ADAMTSL1: variants seen among roughly 807,000 people sequenced by gnomAD.
ADAMTSL1 encodes the protein ADAMTS like 1, also known as ADAMTS-like protein 1.
In ADAMTSL1, 126 loss-of-function variants were observed where a neutral mutation model predicts 201.8. That is an observed-to-expected ratio of 0.62 (90% confidence interval 0.54 to 0.72). ADAMTSL1 has a LOEUF of 0.72. Among genes scored for constraint, ADAMTSL1 ranks in the 30% least tolerant of loss-of-function variants. The probability of loss-of-function intolerance (pLI) is 0.00; values close to 1 mark genes in which losing one functional copy is unlikely to be tolerated. For missense variants in ADAMTSL1, 2,679 were observed against 2,277.8 expected, an observed-to-expected ratio of 1.18 and a Z score of -3.59; for synonymous variants, 1,121 against 903.4, an observed-to-expected ratio of 1.24 and a Z score of -4.32.
intron 2 of ADAMTSL1, among the ~76,000 whole-genome samples, chr9:18,440,049 G>C (rs1819928867): frequency 6.6e-6 from 1 of 152,176 alleles, no homozygotes; most frequent in African/African-American, 2.4e-5. Flanking sequence ...TCACTGTGGT[G>C]CTAGCTAGCT....
chr9:18,634,180 G>T (rs1225500519), intron 5 of ADAMTSL1, among the ~76,000 whole-genome samples: 2 of 151,988 alleles, frequency 1.3e-5, no homozygotes, highest in African/African-American at 4.8e-5. Flanking sequence ...TAATATTAAG[G>T]TTCAGAGAAA....
intron 2 of ADAMTSL1, among the ~76,000 whole-genome samples, chr9:18,258,164 T>G (rs1214259044): frequency 1.3e-5 from 2 of 152,228 alleles, no homozygotes; most frequent in African/African-American, 4.8e-5. Flanking sequence ...AAAACCAGGT[T>G]TTTTGCTAAA....
intron 2 of ADAMTSL1, among the ~76,000 whole-genome samples, chr9:18,419,619 A>T (rs749329163): frequency 2.6e-5 from 4 of 152,216 alleles, no homozygotes; most frequent in Non-Finnish European, 4.4e-5. Context: ...CAAGTAAAAG[A>T]GACACACTGC....
intron 20 of ADAMTSL1, among the ~76,000 whole-genome samples, chr9:18,804,517 T>G (rs1822987555): frequency 6.6e-6 from 1 of 152,210 alleles, no homozygotes; most frequent in Non-Finnish European, 1.5e-5. Flanking sequence ...ATATAACTAT[T>G]ATTTGTAACA....
intron 6 of ADAMTSL1, among the ~76,000 whole-genome samples, chr9:18,636,915 C>T (rs1173842219): frequency 6.6e-6 from 1 of 152,106 alleles, no homozygotes. Context: ...TCTCCCCTCC[C>T]ACACAAATGC....
At chr9:17,990,189 T>C (rs761022314) in intron 1 of ADAMTSL1, among the ~76,000 whole-genome samples, 1 of 152,052 alleles carries the variant, frequency 6.6e-6, no homozygotes, top group Non-Finnish European at 1.5e-5. Flanking sequence ...GTTTCTCACA[T>C]GGCACAGAGA....
chr9:18,068,229 C>A (rs542350919), intron 1 of ADAMTSL1, among the ~76,000 whole-genome samples: 6 of 152,098 alleles, frequency 3.9e-5, no homozygotes, highest in African/African-American at 1.4e-4. Context: ...TGCAGTTGGC[C>A]CTCCATATCT....
intron 1 of ADAMTSL1, among the ~76,000 whole-genome samples, chr9:18,074,753 A>G (rs757879896): frequency 2.6e-5 from 4 of 151,130 alleles, no homozygotes; most frequent in Non-Finnish European, 5.9e-5. Context: ...ACCAGGCCCA[A>G]CTAATTTTTG....
chr9:18,203,104 A>T (rs745366429), intron 2 of ADAMTSL1, among the ~76,000 whole-genome samples: 1 of 152,046 alleles, frequency 6.6e-6, no homozygotes, highest in Non-Finnish European at 1.5e-5. Flanking sequence ...TTTGATCCCA[A>T]AGCTGTCCAT....
chr9:18,022,794 T>C (rs1175282006), intron 1 of ADAMTSL1, among the ~76,000 whole-genome samples: 1 of 152,186 alleles, frequency 6.6e-6, no homozygotes, highest in Non-Finnish European at 1.5e-5. Flanking sequence ...TTCTGTCTCC[T>C]CTATTACTAT....
intron 3 of ADAMTSL1, among the ~76,000 whole-genome samples, chr9:18,549,992 G>C (rs1230623652): frequency 6.6e-6 from 1 of 151,942 alleles, no homozygotes; most frequent in Non-Finnish European, 1.5e-5. Flanking sequence ...TCTATCAGAT[G>C]GTCCTTCCTT....
chr9:18,699,629 C>T (rs1831805311), intron 13 of ADAMTSL1, among the ~76,000 whole-genome samples: 1 of 152,104 alleles, frequency 6.6e-6, no homozygotes, highest in African/African-American at 2.4e-5. Flanking sequence ...AGTGCCTGGC[C>T]ACTTTAATAT....
At chr9:18,471,759 G>C (rs908875843), upstream of ADAMTSL1, among the ~76,000 whole-genome samples, 1 of 152,182 alleles carries the variant, frequency 6.6e-6, no homozygotes, top group Non-Finnish European at 1.5e-5. Flanking sequence ...AGGTGATTGA[G>C]GGCTTAACTT....
chr9:18,711,945 C>T lies in ADAMTSL1; in HGVS notation c.1876+4897C>T, dbSNP rs529666461. On this transcript the variant is annotated intron_variant, in intron 14 of 28. Coordinates refer to ENST00000380548, the MANE Select transcript of ADAMTSL1 (RefSeq NM_001040272.6). Reference sequence around the variant, plus strand: ...CTCAAGTGGGTCCCTGACCCCTGACCCCCAAGCAGCCTAACTGGGAGGCAC... The same window carrying T: ...CTCAAGTGGGTCCCTGACCCCTGACTCCCAAGCAGCCTAACTGGGAGGCAC... Among the ~76,000 whole-genome samples the T allele has an allele frequency of 1.0e-3, 150 of 149,342 alleles. No homozygotes were observed. The East Asian group carries it at 0.026, about 26-fold the overall frequency.
intron 2 of ADAMTSL1, among the ~76,000 whole-genome samples, chr9:18,342,933 C>T (rs1043120366): frequency 1.3e-5 from 2 of 152,134 alleles, no homozygotes; most frequent in East Asian, 3.9e-4. Context: ...TGCTGGTGCT[C>T]GGATGACAAG....
chr9:18,314,623 T>A (rs371446779), intron 2 of ADAMTSL1, among the ~76,000 whole-genome samples: 11 of 151,720 alleles, frequency 7.3e-5, no homozygotes, highest in South Asian at 6.4e-4. Flanking sequence ...GCCTCATGAG[T>A]GAAGCTGCAG....
chr9:18,509,749 C>G (rs183671653), intron 2 of ADAMTSL1, among the ~76,000 whole-genome samples: 1 of 152,320 alleles, frequency 6.6e-6, no homozygotes, highest in South Asian at 2.1e-4. Flanking sequence ...AAGCCATCCA[C>G]CAAGTCCAGA....
chr9:18,907,839 CTGT>C, intron 28 of ADAMTSL1: 1 of 159,086 alleles, frequency 6.3e-6, no homozygotes. Context: ...ACCATCTAGT[CTGT>C]GCCAACACTG....
chr9:18,264,504 A>T (rs1832044877), intron 2 of ADAMTSL1, among the ~76,000 whole-genome samples: 1 of 152,100 alleles, frequency 6.6e-6, no homozygotes, highest in Admixed American at 6.5e-5. Context: ...ATGTCCACAG[A>T]TGGGATATGG....
Sources: gnomAD v4.1 joint callset for allele counts (sites outside exome capture counted in the v4.1 genomes callset) on GRCh38, gnomAD v4.1.1 for gene constraint, MANE v1.5 for transcripts, NCBI Gene and HGNC (gene_info 2026-07-23, HGNC 2026-07-21) for gene names.